SRBD1: variants seen among roughly 807,000 people sequenced by gnomAD.
The protein encoded by SRBD1 is S1 RNA binding domain 1.
A neutral mutation model predicts 115.3 loss-of-function variants in SRBD1; 88 were observed. That is an observed-to-expected ratio of 0.76 (90% CI 0.64 to 0.91). The LOEUF (loss-of-function observed/expected upper bound fraction) is 0.91. Ranked by LOEUF, SRBD1 falls within the 40% of genes least tolerant of loss-of-function variation. The probability of loss-of-function intolerance (pLI) is 0.00; values close to 1 mark genes in which losing one functional copy is unlikely to be tolerated. For missense variants in SRBD1, 1,385 were observed against 1,177.4 expected (o/e 1.18, Z -2.58); for synonymous variants, 509 against 407.7 (o/e 1.25, Z -2.99).
chr2:45,595,091 G>A (rs1673853496), intron 4 of SRBD1, among the ~76,000 whole-genome samples: 1 of 152,136 alleles, frequency 6.6e-6, no homozygotes, highest in South Asian at 2.1e-4. Context: ...ATGAAGTGTT[G>A]CTTGATTCTA....
chr2:45,425,876 G>T (rs1420781825), intron 16 of SRBD1, among the ~76,000 whole-genome samples: 1 of 152,130 alleles, frequency 6.6e-6, no homozygotes, highest in Non-Finnish European at 1.5e-5. Context: ...TCCCTTGGGT[G>T]CCTACACCAT....
chr2:45,502,039 C>G (rs896189924), intron 14 of SRBD1, among the ~76,000 whole-genome samples: 10 of 152,200 alleles, frequency 6.6e-5, no homozygotes, highest in Admixed American at 5.2e-4. Flanking sequence ...AGGCACCCCC[C>G]AGTAGGGGCA....
At chr2:45,580,150 A>C in intron 6 of SRBD1, 137 bp from the exon 7 acceptor site, 1 of 679,766 alleles carries the variant, frequency 1.5e-6, no homozygotes, top group Non-Finnish European at 2.2e-6. Flanking sequence ...TCAGAGATGA[A>C]TTAAAACTAA....
intron 7 of SRBD1, among the ~76,000 whole-genome samples, chr2:45,576,475 G>A (rs767627363): frequency 6.6e-6 from 1 of 152,018 alleles, no homozygotes; most frequent in Non-Finnish European, 1.5e-5. Flanking sequence ...ATTATGCAAC[G>A]GTCAATTACA....
intron 6 of SRBD1, among the ~76,000 whole-genome samples, chr2:45,580,676 CTTTTTT>C (rs369067711): frequency 3.4e-4 from 26 of 76,396 alleles, no homozygotes; most frequent in African/African-American, 1.0e-3. Context: ...TCTTCTACTT[CTTTTTT>C]TTTTTTTTTT....
chr2:45,484,737 C>T (rs1670064361), intron 15 of SRBD1, among the ~76,000 whole-genome samples: 2 of 152,350 alleles, frequency 1.3e-5, no homozygotes, highest in South Asian at 4.1e-4. Context: ...ATTAAGCAGT[C>T]ACTGTCCATT....
intron 16 of SRBD1, among the ~76,000 whole-genome samples, chr2:45,462,486 C>T (rs1424887284): frequency 6.6e-6 from 1 of 151,972 alleles, no homozygotes; most frequent in East Asian, 1.9e-4. Flanking sequence ...TATCCCTTTC[C>T]ATTAAGCATT....
chr2:45,500,763 G>A (rs1054570966), intron 14 of SRBD1, among the ~76,000 whole-genome samples: 5 of 152,126 alleles, frequency 3.3e-5, no homozygotes, highest in Non-Finnish European at 5.9e-5. Context: ...CAACTTTACT[G>A]AATTCATTTA....
chr2:45,590,846 G>A (rs533983860), intron 4 of SRBD1, among the ~76,000 whole-genome samples: 13 of 152,166 alleles, frequency 8.5e-5, no homozygotes, highest in Non-Finnish European at 1.9e-4. Flanking sequence ...ATGAAACTCC[G>A]TCTCTACTAA....
At chr2:45,393,679 C>G (rs1021907433) in intron 19 of SRBD1, among the ~76,000 whole-genome samples, 1 of 152,116 alleles carries the variant, frequency 6.6e-6, no homozygotes, top group African/African-American at 2.4e-5. Flanking sequence ...TGCGTCCAGC[C>G]AAAAATATTT....
At chr2:45,412,983 C>G (rs188521900) in intron 19 of SRBD1, 131 bp downstream of exon 19, 2 of 1,028,620 alleles carry the variant, frequency 1.9e-6, no homozygotes, top group East Asian at 5.0e-5. Context: ...CTCAGCAATG[C>G]AGAACTTCTG....
At chr2:45,474,064 C>T (rs1447512884) in intron 16 of SRBD1, among the ~76,000 whole-genome samples, 1 of 152,192 alleles carries the variant, frequency 6.6e-6, no homozygotes, top group African/African-American at 2.4e-5. Context: ...TCCAATTATG[C>T]ATTTTAATCC....
At chr2:45,405,896 G>T (rs1256616250) in intron 19 of SRBD1, among the ~76,000 whole-genome samples, 1 of 152,088 alleles carries the variant, frequency 6.6e-6, no homozygotes, top group African/African-American at 2.4e-5. Flanking sequence ...AAAAGAAGGA[G>T]TGATGGGTTA....
chr2:45,443,456 G>C (rs778481610), intron 16 of SRBD1, among the ~76,000 whole-genome samples: 6 of 152,110 alleles, frequency 3.9e-5, no homozygotes, highest in Non-Finnish European at 8.8e-5. Flanking sequence ...TAAAATTTTG[G>C]TGGGGGGGAT....
At chr2:45,560,949 A>T (rs1032020715) in intron 10 of SRBD1, among the ~76,000 whole-genome samples, 2 of 151,684 alleles carry the variant, frequency 1.3e-5, no homozygotes, top group Non-Finnish European at 2.9e-5. Context: ...CTTAAATAAA[A>T]AAAAAAAAAA....
At chr2:45,481,311 T>C (rs1266070323) in intron 15 of SRBD1, among the ~76,000 whole-genome samples, 1 of 152,108 alleles carries the variant, frequency 6.6e-6, no homozygotes, top group Non-Finnish European at 1.5e-5. Context: ...ATGCGTTATT[T>C]AGTGGACAGT....
intron 4 of SRBD1, among the ~76,000 whole-genome samples, chr2:45,598,717 G>T (rs563180535): frequency 6.6e-6 from 1 of 152,272 alleles, no homozygotes. Context: ...TCAGGATCCA[G>T]CAGAGGCCCT....
At chr2:45,544,900 T>A (rs897195682) in intron 14 of SRBD1, among the ~76,000 whole-genome samples, 6 of 152,212 alleles carry the variant, frequency 3.9e-5, no homozygotes, top group African/African-American at 1.4e-4. Flanking sequence ...AGGTAGGTAT[T>A]CTTTTCCCCA....
chr2:45,422,585 T>C (rs1047104504), intron 16 of SRBD1, among the ~76,000 whole-genome samples: 10 of 152,210 alleles, frequency 6.6e-5, no homozygotes, highest in Non-Finnish European at 1.3e-4. Context: ...GAGACTATCA[T>C]GTGAGAGGAA....
Sources: gnomAD v4.1 joint callset for allele counts (sites outside exome capture counted in the v4.1 genomes callset) on GRCh38, gnomAD v4.1.1 for gene constraint, MANE v1.5 for transcripts, NCBI Gene and HGNC (gene_info 2026-07-23, HGNC 2026-07-21) for gene names.